CADM2: variants seen among roughly 807,000 people sequenced by gnomAD.
CADM2 encodes the protein cell adhesion molecule 2.
A neutral mutation model predicts 49.8 loss-of-function variants in CADM2; 12 were observed. The ratio of observed to expected loss-of-function variants is 0.24; its 90% CI spans 0.15 to 0.39. The LOEUF (loss-of-function observed/expected upper bound fraction) is 0.39. CADM2 is among the 10% of genes least tolerant of loss of function. The pLI is 1.00. For synonymous variants in CADM2, 214 were observed against 175.4 expected (o/e 1.22, Z -1.74); for missense variants, 378 against 492.3 (o/e 0.77, Z 2.20).
At chr3:85,098,038 A>T (rs991955078) in intron 1 of CADM2, among the ~76,000 whole-genome samples, 1 of 152,184 alleles carries the variant, frequency 6.6e-6, no homozygotes, top group Non-Finnish European at 1.5e-5. Context: ...AATTTGTGTC[A>T]TAGGAAATGA....
chr3:85,278,913 G>A (rs1285470382), intron 1 of CADM2, among the ~76,000 whole-genome samples: 2 of 151,350 alleles, frequency 1.3e-5, no homozygotes, highest in East Asian at 3.9e-4. Context: ...ACATATCAAT[G>A]TAAAACCATA....
intron 7 of CADM2, among the ~76,000 whole-genome samples, chr3:85,950,137 TGTTA>T (rs1268095639): frequency 6.6e-6 from 1 of 151,232 alleles, no homozygotes; most frequent in Non-Finnish European, 1.5e-5. Context: ...GAATGGTTAT[TGTTA>T]AATATATTAT....
chr3:85,298,933 C>T (rs1576309415), intron 1 of CADM2, among the ~76,000 whole-genome samples: 1 of 152,022 alleles, frequency 6.6e-6, no homozygotes, highest in Non-Finnish European at 1.5e-5. Flanking sequence ...ATGAGCACAT[C>T]AACTGTGGTT....
intron 1 of CADM2, among the ~76,000 whole-genome samples, chr3:85,648,718 A>G (rs566286104): frequency 1.6e-4 from 24 of 152,160 alleles, no homozygotes; most frequent in African/African-American, 5.3e-4. Context: ...TTTCTCCATT[A>G]CTGAGATTTC....
chr3:85,493,208 G>A (rs923980803), intron 1 of CADM2, among the ~76,000 whole-genome samples: 1 of 152,000 alleles, frequency 6.6e-6, no homozygotes, highest in Non-Finnish European at 1.5e-5. Flanking sequence ...GATTTATTTT[G>A]ATAAGGTTTT....
intron 1 of CADM2, among the ~76,000 whole-genome samples, chr3:85,530,918 T>G: frequency 8.2e-6 from 1 of 121,896 alleles, no homozygotes; most frequent in African/African-American, 3.0e-5. Context: ...ACACACAAAA[T>G]TCATTATTGT....
At chr3:85,059,843 G>T (rs1203094790) in intron 1 of CADM2, among the ~76,000 whole-genome samples, 2 of 152,164 alleles carry the variant, frequency 1.3e-5, no homozygotes, top group African/African-American at 4.8e-5. Flanking sequence ...AGTCTCAGGT[G>T]TGTCTTTATA....
intron 1 of CADM2, among the ~76,000 whole-genome samples, chr3:85,532,005 G>A (rs540730717): frequency 6.6e-6 from 1 of 152,134 alleles, no homozygotes; most frequent in South Asian, 2.1e-4. Context: ...GTGAAACCCC[G>A]TCTATACTAA....
chr3:85,820,474 G>A (rs888677226), intron 3 of CADM2, among the ~76,000 whole-genome samples: 5 of 152,100 alleles, frequency 3.3e-5, no homozygotes, highest in Non-Finnish European at 5.9e-5. Context: ...TAGATGGAAT[G>A]TTCTGTGTAT....
At position 85,835,889 on chromosome 3, in the gene CADM2, GTTACTCCCT is replaced by G. The variant is rs138340042; in HGVS notation, c.238+33697_238+33705del. ...TTTCTCATTAATTAGGTCTTTTCAT[GTTACTCCCT>G]TTATTTCTACTGAAAGTCACCATAT... On this transcript the variant is annotated intron_variant, in intron 3 of 9. Coordinates refer to ENST00000383699, the MANE Select transcript of CADM2 (RefSeq NM_001167675.2). Among the ~76,000 whole-genome samples the G allele has an allele frequency of 4.3e-3, 641 of 150,626 alleles. 3 individuals carry two copies. The highest frequency in any genetic ancestry group is 0.014 in the African/African-American group (595 of 41,198).
chr3:86,028,943 T>C (rs955725997), intron 8 of CADM2, among the ~76,000 whole-genome samples: 1 of 152,130 alleles, frequency 6.6e-6, no homozygotes, highest in African/African-American at 2.4e-5. Flanking sequence ...AAAAAGGGAT[T>C]AATAAAGTAA....
At chr3:86,039,443 G>A (rs7650035) in intron 8 of CADM2, among the ~76,000 whole-genome samples, 5,463 of 152,176 alleles carry the variant, frequency 0.036, 327 homozygotes, top group African/African-American at 0.12. Context: ...TATATCCCAC[G>A]CCTGGCTCAG....
In CADM2 at chr3:85,345,717, T is replaced by C. The variant is rs190644573; in HGVS notation, c.62-380805T>C. Among the ~76,000 whole-genome samples, 3 of 152,350 alleles carry C rather than the reference T, an allele frequency of 2.0e-5. No individual in the cohort carries two copies. In the East Asian group the frequency reaches 5.8e-4, roughly 29 times the overall value. ...ATGCAAAGCACGATTGGGTTGGTTCTTTTTGCTGTAAAGGAAATTATTGGA... is the reference window on the plus strand; with the variant it reads ...ATGCAAAGCACGATTGGGTTGGTTCCTTTTGCTGTAAAGGAAATTATTGGA... On this transcript the variant is annotated intron_variant, in intron 1 of 9. Transcript: ENST00000383699.
At chr3:85,778,668 T>C (rs2070478666) in intron 2 of CADM2, among the ~76,000 whole-genome samples, 1 of 152,152 alleles carries the variant, frequency 6.6e-6, no homozygotes, top group South Asian at 2.1e-4. Flanking sequence ...AATCTCCCAG[T>C]CTTGGGTATT....
chr3:85,195,687 C>A (rs1343252199), intron 1 of CADM2, among the ~76,000 whole-genome samples: 2 of 151,854 alleles, frequency 1.3e-5, no homozygotes, highest in African/African-American at 2.4e-5. Context: ...TGTTAAAAAG[C>A]TGAGTGACAA....
intron 1 of CADM2, among the ~76,000 whole-genome samples, chr3:85,592,279 G>A (rs930600055): frequency 9.9e-5 from 15 of 151,894 alleles, no homozygotes; most frequent in African/African-American, 3.6e-4. Flanking sequence ...TGTAATTGAT[G>A]ATTATTAAAA....
chr3:85,559,685 C>T (rs1449376), intron 1 of CADM2, among the ~76,000 whole-genome samples: 105,496 of 150,820 alleles, frequency 0.7, 40,837 homozygotes, highest in East Asian at 0.86. Context: ...CACACACACA[C>T]ACATATATAT....
chr3:85,853,429 T>C (rs1444620089), intron 3 of CADM2, among the ~76,000 whole-genome samples: 1 of 152,092 alleles, frequency 6.6e-6, no homozygotes, highest in African/African-American at 2.4e-5. Flanking sequence ...TCCAAAATTA[T>C]AGGCGATTAA....
At chr3:86,001,884 A>G (rs531004585) in intron 8 of CADM2, among the ~76,000 whole-genome samples, 2 of 152,272 alleles carry the variant, frequency 1.3e-5, no homozygotes, top group Admixed American at 1.3e-4. Flanking sequence ...TTATAGATGT[A>G]TAGATGTCTC....
Sources: gnomAD v4.1 joint callset for allele counts (sites outside exome capture counted in the v4.1 genomes callset) on GRCh38, gnomAD v4.1.1 for gene constraint, MANE v1.5 for transcripts, NCBI Gene and HGNC (gene_info 2026-07-23, HGNC 2026-07-21) for gene names.